HTR7: variants seen among roughly 807,000 people sequenced by gnomAD.
The protein encoded by HTR7 is 5-hydroxytryptamine receptor 7.
HTR7 carries 16 observed loss-of-function variants against 34.0 expected under a neutral mutation model. The ratio of observed to expected loss-of-function variants is 0.47; its 90% CI spans 0.32 to 0.71. The LOEUF (loss-of-function observed/expected upper bound fraction) is 0.71. HTR7 is among the 30% of genes least tolerant of loss of function. The pLI, the probability that HTR7 is intolerant of heterozygous loss-of-function variation, is 0.04. For synonymous variants in HTR7, 265 were observed against 260.2 expected (o/e 1.02, Z -0.18); for missense variants, 504 against 625.5 (o/e 0.81, Z 2.07).
At chr10:90,843,860 T>C (rs1846368176) in intron 1 of HTR7, among the ~76,000 whole-genome samples, 1 of 152,248 alleles carries the variant, frequency 6.6e-6, no homozygotes, top group South Asian at 2.1e-4. Flanking sequence ...GGTCTTTGTA[T>C]TTTTAAGTAG....
At chr10:90,794,562 T>C (rs1380600062) in intron 1 of HTR7, among the ~76,000 whole-genome samples, 1 of 152,168 alleles carries the variant, frequency 6.6e-6, no homozygotes, top group Non-Finnish European at 1.5e-5. Context: ...GGTGCAGTCA[T>C]GGCTCACTAC....
At chr10:90,798,893 G>A (rs980789597) in intron 1 of HTR7, among the ~76,000 whole-genome samples, 17 of 152,052 alleles carry the variant, frequency 1.1e-4, no homozygotes, top group African/African-American at 3.1e-4. Context: ...AAAACAAACC[G>A]CCTTCTTGCC....
At chr10:90,819,547 T>C (rs984313495) in intron 1 of HTR7, among the ~76,000 whole-genome samples, 37 of 152,198 alleles carry the variant, frequency 2.4e-4, no homozygotes, top group Admixed American at 2.0e-3. Flanking sequence ...TTGTAGGTAA[T>C]GTAGTGTTAC....
intron 1 of HTR7, among the ~76,000 whole-genome samples, chr10:90,782,591 A>G (rs1330406552): frequency 6.6e-6 from 1 of 152,124 alleles, no homozygotes; most frequent in Non-Finnish European, 1.5e-5. Flanking sequence ...GAGATCACCT[A>G]GATTCTTCCA....
chr10:90,803,873 C>T (rs1320362161), intron 1 of HTR7, among the ~76,000 whole-genome samples: 6 of 152,086 alleles, frequency 3.9e-5, no homozygotes, highest in Non-Finnish European at 8.8e-5. Context: ...GCAAGGGTTC[C>T]ACCTGCAAGC....
intron 1 of HTR7, among the ~76,000 whole-genome samples, chr10:90,829,291 A>G (rs1327181775): frequency 6.6e-6 from 1 of 152,214 alleles, no homozygotes; most frequent in Non-Finnish European, 1.5e-5. Context: ...AGCTAGTATG[A>G]TACTGAATGG....
intron 1 of HTR7, among the ~76,000 whole-genome samples, chr10:90,817,144 A>G (rs898529110): frequency 1.3e-5 from 2 of 152,168 alleles, no homozygotes; most frequent in African/African-American, 2.4e-5. Flanking sequence ...CAAAAGGGGG[A>G]AAAATGAGAA....
At chr10:90,774,348 T>A (rs1467033941) in intron 1 of HTR7, among the ~76,000 whole-genome samples, 1 of 152,234 alleles carries the variant, frequency 6.6e-6, no homozygotes. Flanking sequence ...ATTCAAAGTA[T>A]TTCTTCTTTA....
At chr10:90,856,935 C>G (rs1202212384) in intron 1 of HTR7, among the ~76,000 whole-genome samples, 198 bp downstream of exon 1, 3 of 152,154 alleles carry the variant, frequency 2.0e-5, no homozygotes, top group African/African-American at 7.2e-5. Flanking sequence ...TCCGGTTTTT[C>G]TTTTAAAGAT....
At chr10:90,824,250 C>T (rs1331300477) in intron 1 of HTR7, among the ~76,000 whole-genome samples, 1 of 152,252 alleles carries the variant, frequency 6.6e-6, no homozygotes, top group Non-Finnish European at 1.5e-5. Flanking sequence ...GCCCAGATGA[C>T]ATTTCCAGAC....
chr10:90,745,692 A>C (rs1564666969), intron 2 of HTR7, among the ~76,000 whole-genome samples: 1 of 152,248 alleles, frequency 6.6e-6, no homozygotes, highest in Non-Finnish European at 1.5e-5. Context: ...TCAAACTGAG[A>C]GAAATGCAAA....
chr10:90,820,703 A>G (rs1845965608), intron 1 of HTR7, among the ~76,000 whole-genome samples: 1 of 152,214 alleles, frequency 6.6e-6, no homozygotes, highest in South Asian at 2.1e-4. Flanking sequence ...AAGGCAACAC[A>G]GATGTTCCTT....
intron 1 of HTR7, among the ~76,000 whole-genome samples, chr10:90,849,547 G>GCAAA (rs1768581912): frequency 6.6e-6 from 1 of 152,166 alleles, no homozygotes; most frequent in South Asian, 2.1e-4. Context: ...CTGGAATGTG[G>GCAAA]CGAACAAGAC....
At chr10:90,783,810 C>T (rs545832300) in intron 1 of HTR7, among the ~76,000 whole-genome samples, 1 of 152,286 alleles carries the variant, frequency 6.6e-6, no homozygotes, top group East Asian at 1.9e-4. Context: ...TTTGGAGTCC[C>T]CACTAATACA....
At chr10:90,804,440 G>C (rs1159580712) in intron 1 of HTR7, among the ~76,000 whole-genome samples, 2 of 152,140 alleles carry the variant, frequency 1.3e-5, no homozygotes, top group East Asian at 3.9e-4. Context: ...AGAGGTTGTG[G>C]GCAACTGCTA....
Position 90,825,873 on chromosome 10 carries a change from GA to G in HTR7, c.539+31259del, listed in dbSNP as rs536041040. Among the ~76,000 whole-genome samples, 34 of 152,244 alleles carry G rather than the reference GA, an allele frequency of 2.2e-4. 1 individual carries two copies. Among genetic ancestry groups the G allele is most frequent in the African/African-American group, 7.5e-4 (31 of 41,558 alleles). ...CACCTACAAGACTAGAAAATAGCAT[GA>G]AAGGGGCAAGTTTAAGAGTCACTGG... On this transcript the variant is annotated intron_variant, in intron 1 of 3. Transcript: ENST00000336152.
intron 1 of HTR7, among the ~76,000 whole-genome samples, chr10:90,816,741 T>C (rs540793550): frequency 8.5e-5 from 13 of 152,308 alleles, no homozygotes; most frequent in African/African-American, 3.1e-4. Flanking sequence ...CCTGATCTGT[T>C]TCTCCTTGCC....
At chr10:90,850,087 T>C (rs1327236636) in intron 1 of HTR7, among the ~76,000 whole-genome samples, 4 of 152,188 alleles carry the variant, frequency 2.6e-5, no homozygotes, top group Non-Finnish European at 5.9e-5. Flanking sequence ...CTCTTGGAGA[T>C]AGAGAGGCAA....
chr10:90,772,733 C>A (rs1845136410), intron 1 of HTR7, among the ~76,000 whole-genome samples: 1 of 152,102 alleles, frequency 6.6e-6, no homozygotes, highest in Admixed American at 6.6e-5. Flanking sequence ...ATAAGTATTA[C>A]TAAAAGCAGA....
Sources: allele counts gnomAD v4.1 joint callset (sites outside exome capture counted in the v4.1 genomes callset), GRCh38; gene constraint gnomAD v4.1.1; transcripts MANE v1.5; gene names NCBI Gene and HGNC (gene_info 2026-07-23, HGNC 2026-07-21).